The following SFSWAP variants were observed in gnomAD, a reference collection of about 807,000 sequenced individuals.
SFSWAP encodes the protein splicing factor SWAP.
In SFSWAP, 17 loss-of-function variants were observed where a neutral mutation model predicts 100.7. That is an observed-to-expected ratio of 0.17 (90% CI 0.12 to 0.25). The LOEUF is 0.25. Among genes scored for constraint, SFSWAP ranks in the 10% least tolerant of loss-of-function variants. The pLI, the probability that SFSWAP is intolerant of heterozygous loss-of-function variation, is 1.00. For missense variants in SFSWAP, 1,005 were observed against 1,262.6 expected (o/e 0.80, Z 3.09); for synonymous variants, 504 against 510.1 (o/e 0.99, Z 0.16).
chr12:131,736,850 G>C (rs1321231498), intron 7 of SFSWAP, among the ~76,000 whole-genome samples: 1 of 152,030 alleles, frequency 6.6e-6, no homozygotes, highest in Non-Finnish European at 1.5e-5. Context: ...CCATTTTTCA[G>C]CTGTCACTCA....
At chr12:131,715,780 A>G (rs886119684) in intron 3 of SFSWAP, among the ~76,000 whole-genome samples, 12 of 152,252 alleles carry the variant, frequency 7.9e-5, no homozygotes, top group African/African-American at 2.9e-4. Context: ...ATTTAATTGT[A>G]GAGCTAATTT....
At chr12:131,726,835 G>T (rs763267142) in intron 5 of SFSWAP, 105 bp from the exon 6 acceptor site, 3 of 732,296 alleles carry the variant, frequency 4.1e-6, no homozygotes, top group Non-Finnish European at 7.1e-6. Flanking sequence ...GTGTTTTTTC[G>T]ACAGATAACC....
chr12:131,717,277 G>C (rs1878013006), intron 3 of SFSWAP, among the ~76,000 whole-genome samples: 1 of 152,098 alleles, frequency 6.6e-6, no homozygotes, highest in African/African-American at 2.4e-5. Flanking sequence ...TTAAAGCCTT[G>C]TGATACTAGC....
rs1248092263 is a variant in SFSWAP at position 131,738,078 on chromosome 12, C to G, written c.1081+9650C>G. Among the ~76,000 whole-genome samples, 5 of 151,982 alleles carry G rather than the reference C, an allele frequency of 3.3e-5. No homozygotes were observed. In the South Asian group the frequency reaches 6.2e-4, roughly 19 times the overall value. The stretch of plus-strand genomic sequence containing the variant: ...GGTTTTTTTTAATAAAATGCCAACT[C>G]AGTTTTTCTTAATATTCTATAAATA... On this transcript the variant is annotated intron_variant, in intron 7 of 17. Coordinates refer to ENST00000261674, the MANE Select transcript of SFSWAP (RefSeq NM_004592.4).
intron 13 of SFSWAP, among the ~76,000 whole-genome samples, chr12:131,775,596 G>A (rs1883957744): frequency 6.6e-6 from 1 of 152,190 alleles, no homozygotes. Context: ...CCCTTTCGGT[G>A]TGTATGGGAG....
At chr12:131,747,175 G>A (rs914266607) in intron 7 of SFSWAP, among the ~76,000 whole-genome samples, 5 of 151,984 alleles carry the variant, frequency 3.3e-5, no homozygotes, top group Admixed American at 6.6e-5. Flanking sequence ...GGTGTTGAGC[G>A]ATTTGCATCA....
intron 7 of SFSWAP, among the ~76,000 whole-genome samples, chr12:131,732,525 C>A (rs973451372): frequency 6.6e-6 from 1 of 152,232 alleles, no homozygotes; most frequent in African/African-American, 2.4e-5. Context: ...CCCTTTCTGT[C>A]TTGGGCACAC....
At chr12:131,749,268 A>G (rs1881407848) in intron 7 of SFSWAP, among the ~76,000 whole-genome samples, 1 of 152,200 alleles carries the variant, frequency 6.6e-6, no homozygotes, top group Admixed American at 6.5e-5. Flanking sequence ...TAGCCTCGCT[A>G]TAAGCCCAGG....
In SFSWAP at chr12:131,790,745, A is replaced by G. The variant is rs567434284; in HGVS notation, c.2534+4157A>G. Reference sequence around the variant, plus strand: ...TAGTACTTAACACTGCACGAGGCACATGGACAACTGTTTGTTGAGTGAGTG... The same window carrying G: ...TAGTACTTAACACTGCACGAGGCACGTGGACAACTGTTTGTTGAGTGAGTG... On this transcript the variant is annotated intron_variant, in intron 15 of 17. Coordinates refer to ENST00000261674, the MANE Select transcript of SFSWAP (RefSeq NM_004592.4). Among the ~76,000 whole-genome samples, 29 of 152,362 alleles carry G rather than the reference A, an allele frequency of 1.9e-4. 1 individual carries two copies. Among genetic ancestry groups the G allele is most frequent in the African/African-American group, 6.7e-4 (28 of 41,586 alleles).
intron 15 of SFSWAP, among the ~76,000 whole-genome samples, chr12:131,789,634 C>G (rs1222883869): frequency 6.6e-6 from 1 of 152,066 alleles, no homozygotes; most frequent in East Asian, 1.9e-4. Flanking sequence ...TCACCCCTTC[C>G]CATCCCGCCC....
intron 14 of SFSWAP, among the ~76,000 whole-genome samples, chr12:131,780,246 C>T (rs1884391951): frequency 6.6e-6 from 1 of 152,148 alleles, no homozygotes; most frequent in Non-Finnish European, 1.5e-5. Context: ...CCCTTATACA[C>T]GCAAAAAAGA....
chr12:131,728,540 C>A, intron 7 of SFSWAP, 112 bp downstream of exon 7: 1 of 1,205,624 alleles, frequency 8.3e-7, no homozygotes, highest in Non-Finnish European at 1.2e-6. Context: ...AGTATGGAAG[C>A]AGGCGGCCCA....
At chr12:131,754,308 C>T in intron 8 of SFSWAP, 60 bp from the exon 9 acceptor site, 7 of 1,416,256 alleles carry the variant, frequency 4.9e-6, no homozygotes, top group Non-Finnish European at 6.5e-6. Context: ...CCCCGAGCAG[C>T]CAGGACTGAG....
chr12:131,761,962 C>T (rs1184454474), intron 11 of SFSWAP, among the ~76,000 whole-genome samples: 1 of 152,130 alleles, frequency 6.6e-6, no homozygotes, highest in Non-Finnish European at 1.5e-5. Context: ...GTTTGGTTTG[C>T]ATAGATACTA....
At chr12:131,747,323 G>A (rs1272139616) in intron 7 of SFSWAP, among the ~76,000 whole-genome samples, 3 of 152,188 alleles carry the variant, frequency 2.0e-5, no homozygotes, top group Admixed American at 2.0e-4. Context: ...GGGGACCAGG[G>A]TTCTGGGGAG....
chr12:131,764,942 C>G lies in SFSWAP; in HGVS notation c.1951+256C>G, dbSNP rs185332777. ...AGAAACTGAGTTGGCCGTCTTAGCT[C>G]TAATGCGCCACAGTGGAATGCATTA... On this transcript the variant is annotated intron_variant, in intron 12 of 17. Transcript: ENST00000261674. 1.4e-4 allele frequency among the ~76,000 whole-genome samples: 22 copies of G among 152,368 alleles called. No homozygotes were observed. The East Asian group carries it at 4.0e-3, about 28-fold the overall frequency.
Position 131,734,073 on chromosome 12 carries a change from C to T in SFSWAP, c.1081+5645C>T, listed in dbSNP as rs1309754613. ...AGTGCCCACCCTGTGGCACTGAGAC[C>T]CAACAGCTCAGGTGACAGTGACACC... is the stretch of plus-strand genomic sequence containing the variant. On this transcript the variant is annotated intron_variant, in intron 7 of 17. Coordinates refer to ENST00000261674, the MANE Select transcript of SFSWAP (RefSeq NM_004592.4). The surrounding 1 kb of genome is among the most constrained non-coding windows in gnomAD (Gnocchi z 4.9). Among the ~76,000 whole-genome samples, 1 of 152,210 alleles carries T rather than the reference C, an allele frequency of 6.6e-6. No homozygotes were observed. The highest frequency in any genetic ancestry group is 6.5e-5 in the Admixed American group (1 of 15,286).
At position 131,797,209 on chromosome 12, in the gene SFSWAP, T is replaced by C; in HGVS notation, c.2566T>C (p.Ser856Pro). 6.2e-7 allele frequency: 1 copy of C among 1,611,378 alleles called. No individual in the cohort carries two copies. Among genetic ancestry groups the C allele is most frequent in the Non-Finnish European group, 8.5e-7 (1 of 1,179,726 alleles). The change falls in exon 16 of 18, where the codon TCC (serine) becomes CCC (proline). Residue 856 changes from serine (S) to proline (P), a missense_variant. Physicochemically the swap from Ser to Pro is moderately conservative, Grantham distance 74 (BLOSUM62 -1). Around this residue, in one of 7 missense-constraint regions of SFSWAP, gnomAD observed 295 missense variants for 347.9 expected, o/e 0.85. Transcript: ENST00000261674. ...CCACGAGAAGAAGAAGAAGAGGCGG[T>C]CCCGGTCGCGGACCAAGTCCAAGGC... ...SPHEKKKKRR[S>P]RSRTKSKARS...
chr12:131,721,185 A>G (rs1878444616), intron 4 of SFSWAP, among the ~76,000 whole-genome samples: 1 of 152,092 alleles, frequency 6.6e-6, no homozygotes, highest in Admixed American at 6.5e-5. Flanking sequence ...TTCATGAAGG[A>G]TCCACCCCAT....
Sources: allele counts gnomAD v4.1 joint callset (sites outside exome capture counted in the v4.1 genomes callset), GRCh38; gene constraint gnomAD v4.1.1; regional missense constraint gnomAD v4.1.1; non-coding constraint Gnocchi (gnomAD v3.1); transcripts MANE v1.5; gene names NCBI Gene and HGNC (gene_info 2026-07-23, HGNC 2026-07-21).